Variants in HS3ST4 observed in about 807,000 individuals in gnomAD.
HS3ST4 encodes heparan sulfate-glucosamine 3-sulfotransferase 4, also known as heparan sulfate glucosamine 3-O-sulfotransferase 4.
A neutral mutation model predicts 29.2 loss-of-function variants in HS3ST4; 17 were observed. The ratio of observed to expected loss-of-function variants is 0.58; its 90% CI spans 0.40 to 0.87. The LOEUF (loss-of-function observed/expected upper bound fraction) is 0.87. HS3ST4 is among the 40% of genes least tolerant of loss of function. The pLI is 0.00. For synonymous variants in HS3ST4, 314 were observed against 285.7 expected, an observed-to-expected ratio of 1.10 and a Z score of -1.00; for missense variants, 627 against 634.5, an observed-to-expected ratio of 0.99 and a Z score of 0.13.
chr16:25,779,408 A>G (rs535052475), intron 1 of HS3ST4, among the ~76,000 whole-genome samples: 4 of 152,358 alleles, frequency 2.6e-5, no homozygotes, highest in African/African-American at 9.6e-5. Flanking sequence ...GTAGGATCCA[A>G]GGCTATGTAA....
At chr16:26,119,180 T>C (rs1412691431) in intron 1 of HS3ST4, among the ~76,000 whole-genome samples, 1 of 152,162 alleles carries the variant, frequency 6.6e-6, no homozygotes. Context: ...ACATCCAGGC[T>C]CTTAGCCACT....
At chr16:26,026,384 A>G (rs188818948) in intron 1 of HS3ST4, among the ~76,000 whole-genome samples, 12 of 152,320 alleles carry the variant, frequency 7.9e-5, no homozygotes. Context: ...TATTGCACCT[A>G]GGAGGAAGTT....
chr16:25,764,473 G>A (rs1966806084), intron 1 of HS3ST4, among the ~76,000 whole-genome samples: 1 of 152,198 alleles, frequency 6.6e-6, no homozygotes, highest in African/African-American at 2.4e-5. Flanking sequence ...GTACATGTGT[G>A]TGTGCCTGCA....
rs552389039 is a variant in HS3ST4 at position 26,097,604 on chromosome 16, A to G, written c.735-38008A>G. 1.7e-4 allele frequency among the ~76,000 whole-genome samples: 26 copies of G among 152,358 alleles called. No individual in the cohort carries two copies. In the South Asian group the frequency reaches 5.2e-3, roughly 30 times the overall value. On this transcript the variant is annotated intron_variant, in intron 1 of 1. Coordinates refer to ENST00000331351, the MANE Select transcript of HS3ST4 (RefSeq NM_006040.3). ...AATTCAAGATGGATTAAAGACTTAA[A>G]TGTTAGACCCAAAACTGTAGAAACC...
chr16:25,907,703 C>T (rs188915726), intron 1 of HS3ST4, among the ~76,000 whole-genome samples: 90 of 152,252 alleles, frequency 5.9e-4, no homozygotes, highest in African/African-American at 2.2e-3. Context: ...CACCCGGGCC[C>T]CCCAAAACAC....
At chr16:26,091,910 G>A (rs1004289476) in intron 1 of HS3ST4, among the ~76,000 whole-genome samples, 2 of 152,154 alleles carry the variant, frequency 1.3e-5, no homozygotes, top group African/African-American at 2.4e-5. Flanking sequence ...TAGTGTGGGG[G>A]CACAGCTGTG....
chr16:26,006,307 A>AG (rs1969258136), intron 1 of HS3ST4, among the ~76,000 whole-genome samples: 1 of 149,092 alleles, frequency 6.7e-6, no homozygotes, highest in Non-Finnish European at 1.5e-5. Context: ...TCAGAAAAAA[A>AG]AAAAAAAAAA....
At chr16:25,806,564 T>A (rs1966993344) in intron 1 of HS3ST4, among the ~76,000 whole-genome samples, 1 of 152,222 alleles carries the variant, frequency 6.6e-6, no homozygotes, top group Non-Finnish European at 1.5e-5. Flanking sequence ...CTTCTCCAGC[T>A]GCTATCATAT....
chr16:26,010,090 G>A (rs1053819316), intron 1 of HS3ST4, among the ~76,000 whole-genome samples: 1 of 152,160 alleles, frequency 6.6e-6, no homozygotes, highest in African/African-American at 2.4e-5. Context: ...TGAGTTACAG[G>A]TCTTTAAGAG....
chr16:25,985,258 A>G (rs1235728381), intron 1 of HS3ST4, among the ~76,000 whole-genome samples: 1 of 152,188 alleles, frequency 6.6e-6, no homozygotes, highest in Non-Finnish European at 1.5e-5. Context: ...GAGTTGTTCA[A>G]TGCAGGTGAA....
intron 1 of HS3ST4, among the ~76,000 whole-genome samples, chr16:26,122,179 CA>C (rs200699173): frequency 0.011 from 1,163 of 101,274 alleles, 6 homozygotes; most frequent in South Asian, 0.029. Flanking sequence ...ATAAACTAAG[CA>C]AAAAAAAAAA....
chr16:25,789,457 TC>T (rs377508575), intron 1 of HS3ST4, among the ~76,000 whole-genome samples: 11,053 of 38,534 alleles, frequency 0.29, 610 homozygotes, highest in African/African-American at 0.33. Flanking sequence ...CTTCCTTCCT[TC>T]CTTCCTTCCT....
chr16:25,781,997 A>G (rs1184689632), intron 1 of HS3ST4, among the ~76,000 whole-genome samples: 2 of 152,180 alleles, frequency 1.3e-5, no homozygotes, highest in Non-Finnish European at 2.9e-5. Context: ...TAATTTATAA[A>G]GGAAAGAGAT....
chr16:25,704,662 G>C (rs955714552), intron 1 of HS3ST4, among the ~76,000 whole-genome samples: 10 of 152,036 alleles, frequency 6.6e-5, no homozygotes, highest in Non-Finnish European at 2.9e-5. Context: ...TGGATCACCT[G>C]AGGTCAGGAG....
At chr16:25,872,114 G>C (rs1305466231) in intron 1 of HS3ST4, among the ~76,000 whole-genome samples, 1 of 152,176 alleles carries the variant, frequency 6.6e-6, no homozygotes, top group East Asian at 1.9e-4. Context: ...ATCAATGTCT[G>C]CTGAATAAAT....
intron 1 of HS3ST4, among the ~76,000 whole-genome samples, chr16:25,969,108 A>T (rs561200604): frequency 6.6e-6 from 1 of 152,336 alleles, no homozygotes; most frequent in South Asian, 2.1e-4. Flanking sequence ...GTGAGCCACC[A>T]TGCCCAACCC....
At chr16:25,782,273 A>T (rs528967423) in intron 1 of HS3ST4, among the ~76,000 whole-genome samples, 1 of 152,296 alleles carries the variant, frequency 6.6e-6, no homozygotes, top group African/African-American at 2.4e-5. Flanking sequence ...ACAATTCAAG[A>T]TGAGATTTGG....
intron 1 of HS3ST4, among the ~76,000 whole-genome samples, chr16:25,737,599 G>A (rs1016659176): frequency 5.3e-5 from 8 of 152,134 alleles, no homozygotes; most frequent in African/African-American, 1.9e-4. Context: ...AAGGGTAGGA[G>A]AGTGGGAGGG....
chr16:25,968,522 G>C (rs1379535575), intron 1 of HS3ST4, among the ~76,000 whole-genome samples: 1 of 152,052 alleles, frequency 6.6e-6, no homozygotes, highest in Non-Finnish European at 1.5e-5. Flanking sequence ...ATCATTTCCT[G>C]TGTGTTTCTA....
Sources: allele counts gnomAD v4.1 joint callset (sites outside exome capture counted in the v4.1 genomes callset), GRCh38; gene constraint gnomAD v4.1.1; transcripts MANE v1.5; gene names NCBI Gene and HGNC (gene_info 2026-07-23, HGNC 2026-07-21).